RTTN: variants seen among roughly 807,000 people sequenced by gnomAD.
RTTN encodes rotatin.
Under a neutral mutation model 269.2 loss-of-function variants are expected in RTTN, and 182 were observed. The ratio of observed to expected loss-of-function variants is 0.68; its 90% CI spans 0.60 to 0.76. The LOEUF (loss-of-function observed/expected upper bound fraction) is 0.76, where lower values mean the gene tolerates loss of function less well. RTTN is among the 30% of genes least tolerant of loss of function. The pLI, the probability that RTTN is intolerant of heterozygous loss-of-function variation, is 0.00. For synonymous variants in RTTN, 1,006 were observed against 963.5 expected (o/e 1.04, Z -0.82); for missense variants, 2,545 against 2,608.6 (o/e 0.98, Z 0.53).
intron 15 of RTTN, 152 bp from the exon 16 acceptor site, chr18:70,150,239 T>C (rs1238653455): frequency 3.3e-6 from 2 of 613,914 alleles, no homozygotes; most frequent in Non-Finnish European, 5.9e-6. Context: ...TCATCTTACA[T>C]TCTGTTCTGT....
At chr18:70,051,297 T>C (rs2057659535) in intron 39 of RTTN, 114 bp downstream of exon 39, 1 of 1,252,800 alleles carries the variant, frequency 8.0e-7, no homozygotes, top group Admixed American at 2.7e-5. Context: ...ATACCTCTTT[T>C]ATATGCCATG....
At chr18:70,034,358 CAAG>C (rs555094335) in intron 40 of RTTN, among the ~76,000 whole-genome samples, 2 of 152,200 alleles carry the variant, frequency 1.3e-5, no homozygotes, top group Non-Finnish European at 2.9e-5. Flanking sequence ...CCACTACGAA[CAAG>C]AAGGCTTTAT....
chr18:70,102,295 T>C (rs762040177), intron 28 of RTTN, among the ~76,000 whole-genome samples: 9 of 152,338 alleles, frequency 5.9e-5, no homozygotes, highest in Admixed American at 2.0e-4. Context: ...GATAGTTAGC[T>C]CTTCTTCTTG....
intron 27 of RTTN, among the ~76,000 whole-genome samples, chr18:70,111,955 C>G (rs1291470023): frequency 6.6e-6 from 1 of 152,352 alleles, no homozygotes; most frequent in East Asian, 1.9e-4. Context: ...AACAGCAGAT[C>G]TCTCAGCAGA....
At chr18:70,031,142 G>A (rs1599178219) in intron 40 of RTTN, among the ~76,000 whole-genome samples, 161 bp from the exon 41 acceptor site, 1 of 152,300 alleles carries the variant, frequency 6.6e-6, no homozygotes, top group African/African-American at 2.4e-5. Context: ...AGAATGTTCT[G>A]CGTGGATAAG....
intron 11 of RTTN, among the ~76,000 whole-genome samples, chr18:70,173,433 C>T (rs1238485266): frequency 1.4e-5 from 2 of 140,424 alleles, no homozygotes; most frequent in African/African-American, 2.7e-5. Flanking sequence ...GCGGAGGTTG[C>T]AGTGAGCGGA....
At chr18:70,144,487 C>G (rs1396234513) in intron 18 of RTTN, among the ~76,000 whole-genome samples, 25 of 152,268 alleles carry the variant, frequency 1.6e-4, no homozygotes, top group Non-Finnish European at 2.9e-5. Context: ...GGTGGCAAAA[C>G]CAGCATCAGG....
chr18:70,160,657 G>GAAAAAAA (rs34101176), intron 14 of RTTN, among the ~76,000 whole-genome samples: 2 of 106,164 alleles, frequency 1.9e-5, no homozygotes, highest in African/African-American at 3.4e-5. Context: ...TTCTATACCT[G>GAAAAAAA]AAAAAAAAAA....
At chr18:70,176,166 T>C (rs1266310162) in intron 11 of RTTN, among the ~76,000 whole-genome samples, 1 of 151,574 alleles carries the variant, frequency 6.6e-6, no homozygotes, top group African/African-American at 2.4e-5. Context: ...AACATATACA[T>C]GTATATGTAT....
chr18:70,176,599 A>G (rs1389037876), intron 11 of RTTN, 76 bp downstream of exon 11: 2 of 1,350,374 alleles, frequency 1.5e-6, no homozygotes, highest in African/African-American at 1.5e-5. Flanking sequence ...CCATGAAAAG[A>G]GCAGAAGAAA....
In RTTN at chr18:70,091,458, C is replaced by T. The variant is rs1045904618; in HGVS notation, c.4143+652G>A. ...CAAATCTGTCTCTATACCACCCCTCCCTCCCCTGCCCCACATGCATGGACC... is the reference window on the plus strand; with the variant it reads ...CAAATCTGTCTCTATACCACCCCTCTCTCCCCTGCCCCACATGCATGGACC... On this transcript the variant is annotated intron_variant, in intron 30 of 48. Coordinates refer to ENST00000640769, the MANE Select transcript of RTTN (RefSeq NM_173630.4). The T allele has an allele frequency of 1.3e-5, 2 of 152,242 alleles. 1 individual carries two copies. The highest frequency in any genetic ancestry group is 4.1e-4 in the South Asian group (2 of 4,820). 9.4% of individuals were successfully genotyped at this position (152,242 alleles called of 1,614,324 possible).
chr18:70,091,326 C>G (rs1273901063), intron 30 of RTTN, among the ~76,000 whole-genome samples: 1 of 151,916 alleles, frequency 6.6e-6, no homozygotes, highest in East Asian at 1.9e-4. Context: ...GCTCAAGTGA[C>G]TACATTTGAA....
chr18:70,197,207 A>G (rs1308545755), intron 6 of RTTN, among the ~76,000 whole-genome samples: 5 of 152,174 alleles, frequency 3.3e-5, no homozygotes, highest in African/African-American at 1.2e-4. Context: ...TATACAAGCA[A>G]TAAACTAGAA....
Position 70,176,774 on chromosome 18 carries a change from C to T in RTTN, c.1377G>A (p.Leu459=), listed in dbSNP as rs765186952. 5 of 1,613,998 alleles carry T rather than the reference C, an allele frequency of 3.1e-6. No homozygotes were observed. Among genetic ancestry groups the T allele is most frequent in the Admixed American group, 1.7e-5 (1 of 60,000 alleles). ...TMCYHKSSIS[L]EQPEVMLVHH... ...GCACAAGCATCACCTCTGGCTGCTC[C>T]AAACTGATACTACTTTTATGGTAGC... is the stretch of plus-strand genomic sequence containing the variant. Residue 459 remains leucine (L), a synonymous_variant, in exon 11 of 49, where the codon TTG becomes TTA. Transcript: ENST00000640769.
intron 44 of RTTN, among the ~76,000 whole-genome samples, chr18:70,022,830 G>C (rs1474068012): frequency 6.6e-6 from 1 of 151,946 alleles, no homozygotes; most frequent in Non-Finnish European, 1.5e-5. Context: ...TTTTCTGCTG[G>C]TTTCTCATCT....
At chr18:70,059,487 T>C (rs1168750558) in intron 36 of RTTN, among the ~76,000 whole-genome samples, 2 of 152,222 alleles carry the variant, frequency 1.3e-5, no homozygotes, top group Non-Finnish European at 2.9e-5. Context: ...GACATTATTC[T>C]GATATGACCA....
chr18:70,096,293 C>A (rs1192814994), intron 28 of RTTN, among the ~76,000 whole-genome samples: 4 of 152,206 alleles, frequency 2.6e-5, no homozygotes, highest in African/African-American at 9.6e-5. Flanking sequence ...CTGAAGCCTA[C>A]TTCTGTCAAT....
intron 10 of RTTN, among the ~76,000 whole-genome samples, chr18:70,187,335 G>C (rs1214166505): frequency 6.6e-6 from 1 of 151,870 alleles, no homozygotes; most frequent in Non-Finnish European, 1.5e-5. Flanking sequence ...GATGGGGAGA[G>C]GATAAGAATC....
intron 32 of RTTN, among the ~76,000 whole-genome samples, chr18:70,079,240 C>G (rs1201404572): frequency 6.6e-6 from 1 of 151,860 alleles, no homozygotes; most frequent in African/African-American, 2.4e-5. Flanking sequence ...AAAATTTCTT[C>G]TAAAAAGTTC....
Sources: allele counts gnomAD v4.1 joint callset (sites outside exome capture counted in the v4.1 genomes callset), GRCh38; gene constraint gnomAD v4.1.1; transcripts MANE v1.5; gene names NCBI Gene and HGNC (gene_info 2026-07-23, HGNC 2026-07-21).